SH3GL2: variants seen among roughly 807,000 people sequenced by gnomAD.
The protein encoded by SH3GL2 is endophilin-A1.
Under a neutral mutation model 46.0 loss-of-function variants are expected in SH3GL2, and 24 were observed. The ratio of observed to expected loss-of-function variants is 0.52; its 90% CI spans 0.38 to 0.73. The LOEUF (loss-of-function observed/expected upper bound fraction) is 0.73. Among genes scored for constraint, SH3GL2 ranks in the 30% least tolerant of loss-of-function variants. The pLI is 0.00. For missense variants in SH3GL2, 413 were observed against 424.2 expected (o/e 0.97, Z 0.23); for synonymous variants, 196 against 147.1 (o/e 1.33, Z -2.40).
chr9:17,734,371 A>G (rs1340959345), intron 1 of SH3GL2, among the ~76,000 whole-genome samples: 1 of 152,120 alleles, frequency 6.6e-6, no homozygotes. Context: ...GATTGACACT[A>G]ATCTCTTGCA....
intron 1 of SH3GL2, among the ~76,000 whole-genome samples, chr9:17,705,154 C>G (rs530449418): frequency 1.3e-5 from 2 of 152,156 alleles, no homozygotes; most frequent in East Asian, 3.9e-4. Flanking sequence ...CTCAACATCA[C>G]TGATCATTAG....
intron 1 of SH3GL2, among the ~76,000 whole-genome samples, chr9:17,733,789 T>C (rs367548227): frequency 0.012 from 1,804 of 151,986 alleles, 40 homozygotes; most frequent in African/African-American, 0.041. Flanking sequence ...ACTATGCAGC[T>C]ATAAAAAATG....
chr9:17,673,095 C>G (rs1410881841), intron 1 of SH3GL2, among the ~76,000 whole-genome samples: 1 of 152,030 alleles, frequency 6.6e-6, no homozygotes, highest in African/African-American at 2.4e-5. Flanking sequence ...ATAGTCCTCC[C>G]TAATAAATCT....
intron 1 of SH3GL2, among the ~76,000 whole-genome samples, chr9:17,679,244 T>C (rs1365382294): frequency 3.9e-5 from 6 of 152,238 alleles, no homozygotes; most frequent in South Asian, 4.1e-4. Flanking sequence ...TTTCATGATA[T>C]TGATTCTTCC....
chr9:17,640,069 T>C (rs1449633054), intron 1 of SH3GL2, among the ~76,000 whole-genome samples: 1 of 152,148 alleles, frequency 6.6e-6, no homozygotes, highest in Non-Finnish European at 1.5e-5. Flanking sequence ...AGTTATAAGG[T>C]TGTGTGCAAT....
At chr9:17,712,888 A>C (rs1324080214) in intron 1 of SH3GL2, among the ~76,000 whole-genome samples, 1 of 105,326 alleles carries the variant, frequency 9.5e-6, no homozygotes, top group Non-Finnish European at 1.6e-5. Flanking sequence ...ACTAGCTATA[A>C]CCTTGATTAC....
rs367931098 is a variant in SH3GL2, at chr9:17,659,014, G to A, written c.45+79727G>A. Among the ~76,000 whole-genome samples, 78 of 152,314 alleles carry A rather than the reference G, an allele frequency of 5.1e-4. 2 individuals carry two copies. The South Asian group carries it at 0.016, about 31-fold the overall frequency. On this transcript the variant is annotated intron_variant, in intron 1 of 8. Transcript: ENST00000380607. ...TCTTCTGAGAAAGAAAGGAGCTGAA[G>A]GCTCAAGTAACTTTTAATGGGAGAA...
intron 1 of SH3GL2, among the ~76,000 whole-genome samples, chr9:17,683,582 G>A (rs1254246586): frequency 6.6e-6 from 1 of 152,034 alleles, no homozygotes; most frequent in Admixed American, 6.6e-5. Context: ...CACTTGGAAC[G>A]TCCTACCCCT....
chr9:17,725,107 C>A (rs1563828132), intron 1 of SH3GL2, among the ~76,000 whole-genome samples: 1 of 152,118 alleles, frequency 6.6e-6, no homozygotes, highest in African/African-American at 2.4e-5. Flanking sequence ...CTAGGAGTCA[C>A]CCCTGGGATA....
At chr9:17,691,350 A>T (rs1217831736) in intron 1 of SH3GL2, among the ~76,000 whole-genome samples, 1 of 152,180 alleles carries the variant, frequency 6.6e-6, no homozygotes, top group Non-Finnish European at 1.5e-5. Flanking sequence ...CAATAAAAAC[A>T]TTGGAAAGAT....
intron 3 of SH3GL2, among the ~76,000 whole-genome samples, chr9:17,763,436 A>T (rs62549705): frequency 4.4e-3 from 665 of 152,254 alleles, no homozygotes; most frequent in Non-Finnish European, 6.2e-3. Flanking sequence ...GGGTGTCCTT[A>T]TGAGAAGAGG....
At chr9:17,714,942 G>A (rs1329049588) in intron 1 of SH3GL2, among the ~76,000 whole-genome samples, 2 of 151,548 alleles carry the variant, frequency 1.3e-5, no homozygotes, top group African/African-American at 2.4e-5. Flanking sequence ...GCTTTTATAT[G>A]TCTGAAAGTA....
chr9:17,689,382 C>T (rs999663404), intron 1 of SH3GL2, among the ~76,000 whole-genome samples: 2 of 152,064 alleles, frequency 1.3e-5, no homozygotes, highest in African/African-American at 4.8e-5. Flanking sequence ...AGAAGCAAAT[C>T]TGAATAAACT....
intron 3 of SH3GL2, among the ~76,000 whole-genome samples, chr9:17,774,108 A>G (rs1002768519): frequency 1.3e-5 from 2 of 152,030 alleles, no homozygotes. Flanking sequence ...GTTCGTTGTC[A>G]GTGTATAGAA....
chr9:17,765,726 G>T (rs1317535637), intron 3 of SH3GL2, among the ~76,000 whole-genome samples: 4 of 152,126 alleles, frequency 2.6e-5, no homozygotes, highest in Non-Finnish European at 5.9e-5. Context: ...AGGTTCCCCT[G>T]TCACTGTCCC....
intron 1 of SH3GL2, among the ~76,000 whole-genome samples, chr9:17,641,582 C>A (rs140638266): frequency 0.013 from 2,000 of 152,172 alleles, 38 homozygotes; most frequent in African/African-American, 0.045. Context: ...TAATGCTATC[C>A]CTTCCCTTGC....
intron 1 of SH3GL2, among the ~76,000 whole-genome samples, chr9:17,738,575 TAGAGAGAG>T (rs142654925): frequency 2.8e-5 from 3 of 108,264 alleles, no homozygotes; most frequent in South Asian, 3.4e-4. Flanking sequence ...CATATATATA[TAGAGAGAG>T]AGAGAGAGAG....
intron 1 of SH3GL2, among the ~76,000 whole-genome samples, chr9:17,705,057 A>G (rs1821435077): frequency 6.6e-6 from 1 of 151,970 alleles, no homozygotes; most frequent in Non-Finnish European, 1.5e-5. Context: ...AAACAAAAAA[A>G]AACCCCATTA....
At position 17,579,193 on chromosome 9, in the gene SH3GL2, C is replaced by G; in HGVS notation, c.-50C>G. 3.5e-6 allele frequency: 5 copies of G among 1,442,706 alleles called. No individual in the cohort carries two copies. Among genetic ancestry groups the G allele is most frequent in the Non-Finnish European group, 4.7e-6 (5 of 1,073,300 alleles). The allele number at this position is 1,442,706 out of a possible 1,614,324, so 89.4% of individuals were successfully genotyped here. On this transcript the variant is annotated 5_prime_UTR_variant, in exon 1 of 9. Transcript: ENST00000380607. Reference sequence around the variant, plus strand: ...CGCCCCGCTCGGCCCTCCAGTCCCCCTCCGCCTCCTCCCTCCCGCACAGCA... The same window carrying G: ...CGCCCCGCTCGGCCCTCCAGTCCCCGTCCGCCTCCTCCCTCCCGCACAGCA...
Sources: gnomAD v4.1 joint callset for allele counts (sites outside exome capture counted in the v4.1 genomes callset) on GRCh38, gnomAD v4.1.1 for gene constraint, MANE v1.5 for transcripts, NCBI Gene and HGNC (gene_info 2026-07-23, HGNC 2026-07-21) for gene names.